The following UBAC2 variants were observed in gnomAD, a reference collection of about 807,000 sequenced individuals.
UBAC2 encodes ubiquitin-associated domain-containing protein 2.
Under a neutral mutation model 44.0 loss-of-function variants are expected in UBAC2, and 26 were observed. The ratio of observed to expected loss-of-function variants is 0.59; its 90% CI spans 0.43 to 0.82. UBAC2 has a LOEUF of 0.82. Ranked by LOEUF, UBAC2 falls within the 40% of genes least tolerant of loss-of-function variation. The probability of loss-of-function intolerance (pLI) is 0.00; values close to 1 mark genes in which losing one functional copy is unlikely to be tolerated. For synonymous variants in UBAC2, 155 were observed against 154.3 expected, an observed-to-expected ratio of 1.00 and a Z score of -0.04; for missense variants, 329 against 419.4, an observed-to-expected ratio of 0.78 and a Z score of 1.88.
chr13:99,288,535 C>T (rs547990232), intron 4 of UBAC2, among the ~76,000 whole-genome samples: 3 of 152,324 alleles, frequency 2.0e-5, no homozygotes, highest in Admixed American at 2.0e-4. Context: ...CAGGATTTCT[C>T]TCCATTTGGA....
rs115823114 is a variant in UBAC2 at position 99,354,236 on chromosome 13, G to A, written c.808-13551G>A. 2.9e-3 allele frequency among the ~76,000 whole-genome samples: 449 copies of A among 152,364 alleles called. 2 individuals carry two copies. Among genetic ancestry groups the A allele is most frequent in the African/African-American group, 0.01 (436 of 41,590 alleles). ...GGGGTTGTACAGGTGACATTCATGA[G>A]CAGTGTGAGCCGGGTGACATGGGGG... On this transcript the variant is annotated intron_variant, in intron 7 of 8. Coordinates refer to ENST00000403766, the MANE Select transcript of UBAC2 (RefSeq NM_001144072.2).
intron 4 of UBAC2, among the ~76,000 whole-genome samples, chr13:99,278,042 T>C (rs890780519): frequency 5.3e-5 from 8 of 152,218 alleles, no homozygotes; most frequent in African/African-American, 1.9e-4. Context: ...ACCTTCTCCA[T>C]GTTTTCCAGT....
At chr13:99,340,224 C>T (rs976099376) in intron 6 of UBAC2, 96 bp from the exon 7 acceptor site, 26 of 1,359,440 alleles carry the variant, frequency 1.9e-5, no homozygotes, top group East Asian at 1.4e-4. Flanking sequence ...AGAAAAATAC[C>T]GTGTGCAGTG....
chr13:99,317,230 C>T (rs1193052144), intron 5 of UBAC2, among the ~76,000 whole-genome samples: 1 of 152,172 alleles, frequency 6.6e-6, no homozygotes, highest in African/African-American at 2.4e-5. Context: ...GCTGTCCTGC[C>T]TGAGTATCCT....
rs191587552 is a variant in UBAC2, at chr13:99,253,792, G to A, written c.389+9168G>A. Among the ~76,000 whole-genome samples, 622 of 152,318 alleles carry A rather than the reference G, an allele frequency of 4.1e-3. 2 individuals are homozygous for A. Among genetic ancestry groups the A allele is most frequent in the Non-Finnish European group, 7.4e-3 (502 of 68,038 alleles). On this transcript the variant is annotated intron_variant, in intron 4 of 8. Transcript: ENST00000403766. ...GCCTCCCAAAGTGCTGGGATTACAG[G>A]CGTGAGCCACCACGCCCAGCCAGAA...
At chr13:99,268,341 G>A (rs1459857397) in intron 4 of UBAC2, among the ~76,000 whole-genome samples, 7 of 152,150 alleles carry the variant, frequency 4.6e-5, no homozygotes, top group Non-Finnish European at 1.0e-4. Flanking sequence ...GGCCAGGCAT[G>A]GTGGCTCTCA....
chr13:99,357,869 G>T (rs1359651760), intron 7 of UBAC2, among the ~76,000 whole-genome samples: 3 of 152,312 alleles, frequency 2.0e-5, no homozygotes, highest in East Asian at 3.9e-4. Context: ...TCAGCAATAT[G>T]CCTCACTATG....
chr13:99,294,830 T>G, intron 4 of UBAC2: 1 of 393,314 alleles, frequency 2.5e-6, no homozygotes, highest in South Asian at 4.9e-5. Flanking sequence ...TTTGGTGTAT[T>G]CGTTTACAAA....
chr13:99,277,473 C>T (rs928844496), intron 4 of UBAC2, among the ~76,000 whole-genome samples: 2 of 151,520 alleles, frequency 1.3e-5, no homozygotes, highest in Non-Finnish European at 2.9e-5. Flanking sequence ...TACAGTGAGC[C>T]GAGATCACAC....
At chr13:99,377,620 A>G (rs529603626) in intron 8 of UBAC2, 6 of 152,316 alleles carry the variant, frequency 3.9e-5, no homozygotes, top group Non-Finnish European at 8.8e-5. Flanking sequence ...TAAACTTTAT[A>G]AATACATAAA....
rs61466370 is a variant in UBAC2 at position 99,342,891 on chromosome 13, G to C, written c.807+2326G>C. Among the ~76,000 whole-genome samples, 177 of 152,328 alleles carry C rather than the reference G, an allele frequency of 1.2e-3. 4 individuals carry two copies. The East Asian group carries it at 0.022, about 19-fold the overall frequency. On this transcript the variant is annotated intron_variant, in intron 7 of 8. Transcript: ENST00000403766. ...GGCTCTGCCCATAGGGGGTTCCCCT[G>C]ATCGCTGTCTTTCAAGATTGAGCCA...
chr13:99,369,380 CGA>C (rs2045376260), intron 8 of UBAC2, among the ~76,000 whole-genome samples: 1 of 152,126 alleles, frequency 6.6e-6, no homozygotes, highest in Non-Finnish European at 1.5e-5. Context: ...ATACGTGGTA[CGA>C]GACTCTTTTG....
chr13:99,243,505 A>T (rs911185088), intron 2 of UBAC2, among the ~76,000 whole-genome samples: 1 of 152,104 alleles, frequency 6.6e-6, no homozygotes. Flanking sequence ...TTAGCCTTTC[A>T]TTCTAGTTTA....
At chr13:99,290,190 A>G (rs2044070955) in intron 4 of UBAC2, among the ~76,000 whole-genome samples, 1 of 152,308 alleles carries the variant, frequency 6.6e-6, no homozygotes, top group East Asian at 1.9e-4. Flanking sequence ...GCGACTGATA[A>G]ATAGAACAAG....
intron 1 of UBAC2, among the ~76,000 whole-genome samples, chr13:99,235,615 T>C (rs2043223942): frequency 6.6e-6 from 1 of 151,998 alleles, no homozygotes; most frequent in African/African-American, 2.4e-5. Context: ...AAGATACAAA[T>C]CCATGCATTT....
chr13:99,245,573 G>T (rs1490430279), intron 4 of UBAC2, among the ~76,000 whole-genome samples: 1 of 152,140 alleles, frequency 6.6e-6, no homozygotes, highest in Non-Finnish European at 1.5e-5. Context: ...AAAAAAACAG[G>T]CCGGGCGCGG....
intron 4 of UBAC2, among the ~76,000 whole-genome samples, chr13:99,270,438 AG>A (rs1268414084): frequency 6.6e-6 from 1 of 152,236 alleles, no homozygotes; most frequent in Admixed American, 6.5e-5. Flanking sequence ...TCACATTTAT[AG>A]TCATCAGCTT....
chr13:99,366,640 T>C (rs1031183411), intron 7 of UBAC2, among the ~76,000 whole-genome samples: 14 of 152,084 alleles, frequency 9.2e-5, no homozygotes, highest in Non-Finnish European at 2.9e-5. Context: ...TTTTTTTTCA[T>C]CCCTTTCGCT....
Position 99,212,817 on chromosome 13 carries a change from T to C in UBAC2, c.31+11878T>C, listed in dbSNP as rs148543663. ...GCCTATCTACAGTTTCATATTCTGC[T>C]TTTTTCATTTACTCTTCTTGAATGA... On this transcript the variant is annotated intron_variant, in intron 1 of 8. Coordinates refer to ENST00000403766, the MANE Select transcript of UBAC2 (RefSeq NM_001144072.2). 7.4e-3 allele frequency among the ~76,000 whole-genome samples: 1,125 copies of C among 152,346 alleles called. 10 individuals are homozygous for C. Among genetic ancestry groups the C allele is most frequent in the South Asian group, 0.055 (266 of 4,828 alleles).
Sources: allele counts gnomAD v4.1 joint callset (sites outside exome capture counted in the v4.1 genomes callset), GRCh38; gene constraint gnomAD v4.1.1; transcripts MANE v1.5; gene names NCBI Gene and HGNC (gene_info 2026-07-23, HGNC 2026-07-21).